SLC4A7: variants seen among roughly 807,000 people sequenced by gnomAD.
SLC4A7 encodes the protein solute carrier family 4 member 7.
In SLC4A7, 51 loss-of-function variants were observed where a neutral mutation model predicts 137.6. The ratio of observed to expected loss-of-function variants is 0.37; its 90% CI spans 0.30 to 0.47. SLC4A7 has a LOEUF of 0.47. Among genes scored for constraint, SLC4A7 ranks in the 20% least tolerant of loss-of-function variants. SLC4A7 has a pLI of 1.00. For synonymous variants in SLC4A7, 542 were observed against 518.6 expected, an observed-to-expected ratio of 1.05 and a Z score of -0.61; for missense variants, 1,247 against 1,525.4, an observed-to-expected ratio of 0.82 and a Z score of 3.04.
chr3:27,445,317 A>C (rs1004465587), intron 3 of SLC4A7, among the ~76,000 whole-genome samples: 2 of 151,202 alleles, frequency 1.3e-5, no homozygotes, highest in African/African-American at 4.9e-5. Context: ...AGCCTCTTTG[A>C]CCTCCCCAAA....
intron 1 of SLC4A7, among the ~76,000 whole-genome samples, chr3:27,465,897 T>A (rs559103680): frequency 7.0e-6 from 1 of 142,004 alleles, no homozygotes; most frequent in Non-Finnish European, 1.5e-5. Context: ...GAGGTTGCAG[T>A]GAGCTGAGAT....
intron 25 of SLC4A7, among the ~76,000 whole-genome samples, chr3:27,378,801 T>G (rs886494190): frequency 5.9e-5 from 9 of 152,246 alleles, no homozygotes; most frequent in African/African-American, 1.7e-4. Context: ...ATTACAGTAT[T>G]TAATCCCTAA....
At chr3:27,481,980 A>C (rs1199341345) in intron 1 of SLC4A7, among the ~76,000 whole-genome samples, 1 of 151,794 alleles carries the variant, frequency 6.6e-6, no homozygotes, top group African/African-American at 2.4e-5. Flanking sequence ...CTAAAAATAC[A>C]AAATTAGCCG....
chr3:27,390,689 T>C (rs1307440470), intron 21 of SLC4A7, among the ~76,000 whole-genome samples: 1 of 152,190 alleles, frequency 6.6e-6, no homozygotes. Flanking sequence ...GAGTAGGTCC[T>C]GGATGGTGTT....
chr3:27,420,133 C>T (rs888365201), intron 10 of SLC4A7, among the ~76,000 whole-genome samples: 12 of 151,536 alleles, frequency 7.9e-5, no homozygotes, highest in Admixed American at 5.3e-4. Flanking sequence ...CCACTGCACT[C>T]CAGCCTGGCA....
In SLC4A7 at chr3:27,375,964, T is replaced by C. The variant is rs1383959828; in HGVS notation, c.*800A>G. The stretch of plus-strand genomic sequence containing the variant: ...GACAAGGCAGAGAACAGAGTGGGAA[T>C]CATTGGCTTTAAAAGAGCATAAGGA... On this transcript the variant is annotated 3_prime_UTR_variant, in exon 26 of 26. Coordinates refer to ENST00000454389, the MANE Select transcript of SLC4A7 (RefSeq NM_001321103.2). 1.3e-5 allele frequency: 2 copies of C among 152,020 alleles called. No homozygotes were observed. The highest frequency in any genetic ancestry group is 4.8e-5 in the African/African-American group (2 of 41,434). The allele number at this position is 152,020 out of a possible 1,614,324, so 9.4% of individuals were successfully genotyped here.
In SLC4A7 at chr3:27,468,737, G is replaced by T. The variant is rs146795601; in HGVS notation, c.60+15330C>A. On this transcript the variant is annotated intron_variant, in intron 1 of 25. Transcript: ENST00000454389. ...ATAACAATATTTATACAAATGATAG[G>T]CTAAAAAAAATTAAACAAGATGTTG... 3.4e-3 allele frequency among the ~76,000 whole-genome samples: 512 copies of T among 152,016 alleles called. 5 individuals carry two copies. Among genetic ancestry groups the T allele is most frequent in the African/African-American group, 0.012 (495 of 41,440 alleles).
At chr3:27,398,702 C>T (rs1270548297) in intron 16 of SLC4A7, among the ~76,000 whole-genome samples, 2 of 152,140 alleles carry the variant, frequency 1.3e-5, no homozygotes, top group African/African-American at 2.4e-5. Context: ...TGCATTCTTG[C>T]TTGTCCACAA....
chr3:27,447,687 G>A (rs2057768513), intron 3 of SLC4A7, among the ~76,000 whole-genome samples: 1 of 128,818 alleles, frequency 7.8e-6, no homozygotes, highest in South Asian at 2.5e-4. Context: ...CCCACTCTCA[G>A]GGCCACTTAA....
intron 1 of SLC4A7, among the ~76,000 whole-genome samples, chr3:27,466,040 C>A (rs1040912168): frequency 2.6e-5 from 4 of 151,736 alleles, no homozygotes; most frequent in African/African-American, 9.7e-5. Context: ...CATTTAAGTT[C>A]CTTTACAGAT....
intron 7 of SLC4A7, 105 bp downstream of exon 7, chr3:27,431,193 A>T: frequency 9.0e-7 from 1 of 1,116,192 alleles, no homozygotes; most frequent in Non-Finnish European, 1.2e-6. Flanking sequence ...AATAAATTAT[A>T]AGCATTATCT....
At chr3:27,383,288 A>T (rs1369579393) in intron 23 of SLC4A7, 38 bp from the exon 24 acceptor site, 7 of 1,385,290 alleles carry the variant, frequency 5.1e-6, no homozygotes, top group Non-Finnish European at 7.2e-6. Flanking sequence ...CTTTTCCCAG[A>T]ATATTTTCCA....
Position 27,484,057 on chromosome 3 carries a change from G to T in SLC4A7, c.60+10C>A. 1 of 1,397,760 alleles carries T rather than the reference G, an allele frequency of 7.2e-7. No individual in the cohort carries two copies. Among genetic ancestry groups the T allele is most frequent in the Non-Finnish European group, 9.3e-7 (1 of 1,071,688 alleles). 86.6% of individuals were successfully genotyped at this position (1,397,760 alleles called of 1,614,324 possible). Reference sequence around the variant, plus strand: ...CCTGCGGAGGAGCCCCACCGCCGCGGCGCCCTCACCCTGCTCGTTACCCGG... The same window carrying T: ...CCTGCGGAGGAGCCCCACCGCCGCGTCGCCCTCACCCTGCTCGTTACCCGG... On this transcript the variant is annotated intron_variant, in intron 1 of 25. Coordinates refer to ENST00000454389, the MANE Select transcript of SLC4A7 (RefSeq NM_001321103.2).
chr3:27,472,177 T>G (rs529896335), intron 1 of SLC4A7, among the ~76,000 whole-genome samples: 1 of 152,242 alleles, frequency 6.6e-6, no homozygotes, highest in South Asian at 2.1e-4. Flanking sequence ...TTATTGACCT[T>G]TTAAGCCATT....
intron 1 of SLC4A7, among the ~76,000 whole-genome samples, chr3:27,481,908 G>A (rs2059724743): frequency 6.6e-6 from 1 of 152,136 alleles, no homozygotes; most frequent in Admixed American, 6.6e-5. Flanking sequence ...GGCCGAGGTG[G>A]GTGGATCACC....
At chr3:27,382,972 T>A (rs529230375) in intron 24 of SLC4A7, among the ~76,000 whole-genome samples, 181 bp downstream of exon 24, 16 of 152,172 alleles carry the variant, frequency 1.1e-4, no homozygotes, top group Non-Finnish European at 2.2e-4. Context: ...CCAGCTTGGG[T>A]GGGAAAGGAG....
At chr3:27,396,350 G>A (rs2150115680) in intron 18 of SLC4A7, among the ~76,000 whole-genome samples, 1 of 152,108 alleles carries the variant, frequency 6.6e-6, no homozygotes, top group South Asian at 2.1e-4. Flanking sequence ...CCTATTACCT[G>A]AAAGCCATAT....
At chr3:27,447,340 G>A (rs1376976187) in intron 3 of SLC4A7, among the ~76,000 whole-genome samples, 1 of 152,080 alleles carries the variant, frequency 6.6e-6, no homozygotes, top group Non-Finnish European at 1.5e-5. Flanking sequence ...TCTAGGGCTT[G>A]GTAGAATGTT....
At chr3:27,437,557 A>T in intron 3 of SLC4A7, 31 bp from the exon 4 acceptor site, 26 of 1,450,554 alleles carry the variant, frequency 1.8e-5, no homozygotes, top group Non-Finnish European at 2.3e-5. Context: ...CATATACTCA[A>T]ATTTTTCCTC....
Sources: allele counts gnomAD v4.1 joint callset (sites outside exome capture counted in the v4.1 genomes callset), GRCh38; gene constraint gnomAD v4.1.1; transcripts MANE v1.5; gene names NCBI Gene and HGNC (gene_info 2026-07-23, HGNC 2026-07-21).